CCBE1: variants seen among roughly 807,000 people sequenced by gnomAD.
The protein encoded by CCBE1 is collagen and calcium binding EGF domains 1, also known as collagen and calcium-binding EGF domain-containing protein 1.
A neutral mutation model predicts 50.0 loss-of-function variants in CCBE1; 37 were observed. The observed-to-expected ratio is 0.74, with a 90% CI of 0.57 to 0.97. CCBE1 has a LOEUF of 0.97. Among genes scored for constraint, CCBE1 ranks in the 50% least tolerant of loss-of-function variants. The pLI, the probability that CCBE1 is intolerant of heterozygous loss-of-function variation, is 0.00. For missense variants in CCBE1, 538 were observed against 523.8 expected (o/e 1.03, Z -0.26); for synonymous variants, 234 against 203.7 (o/e 1.15, Z -1.27).
intron 2 of CCBE1, among the ~76,000 whole-genome samples, chr18:59,631,821 A>G (rs2144627612): frequency 6.6e-6 from 1 of 152,328 alleles, no homozygotes; most frequent in South Asian, 2.1e-4. Context: ...CAAACTGACT[A>G]GAATTAGGAC....
chr18:59,517,028 C>A (rs902275908), intron 2 of CCBE1, among the ~76,000 whole-genome samples: 1 of 152,222 alleles, frequency 6.6e-6, no homozygotes, highest in African/African-American at 2.4e-5. Flanking sequence ...TTCTTCCTTG[C>A]AGTTTCCCTT....
intron 3 of CCBE1, among the ~76,000 whole-genome samples, chr18:59,474,885 T>C (rs643549): frequency 0.66 from 100,395 of 152,060 alleles, 33,508 homozygotes; most frequent in East Asian, 0.84. Flanking sequence ...TTCAACCTTT[T>C]GGATTGTGCT....
intron 2 of CCBE1, among the ~76,000 whole-genome samples, chr18:59,565,353 A>G (rs73961252): frequency 0.034 from 3,719 of 108,590 alleles, 165 homozygotes; most frequent in African/African-American, 0.17. Context: ...CTGGCCCTCA[A>G]TGAAGAGCAT....
At chr18:59,508,710 G>A (rs11152155) in intron 2 of CCBE1, among the ~76,000 whole-genome samples, 4,546 of 99,420 alleles carry the variant, frequency 0.046, 486 homozygotes, top group East Asian at 0.39. Context: ...ATAGAGTTAC[G>A]CTTTTTTTTT....
chr18:59,612,523 G>T (rs2053584354), intron 2 of CCBE1, among the ~76,000 whole-genome samples: 1 of 152,086 alleles, frequency 6.6e-6, no homozygotes, highest in Non-Finnish European at 1.5e-5. Flanking sequence ...AGAAAGTAGA[G>T]GTTTTCTGGG....
intron 2 of CCBE1, among the ~76,000 whole-genome samples, chr18:59,694,184 A>T (rs1368315303): frequency 1.3e-5 from 2 of 151,978 alleles, no homozygotes; most frequent in African/African-American, 4.8e-5. Flanking sequence ...AACTTTTTTA[A>T]AGTCATTTTT....
At chr18:59,657,677 G>A (rs1197744219) in intron 2 of CCBE1, among the ~76,000 whole-genome samples, 1 of 152,192 alleles carries the variant, frequency 6.6e-6, no homozygotes, top group Non-Finnish European at 1.5e-5. Flanking sequence ...GATCACCTGA[G>A]GCCAGGAGTT....
intron 2 of CCBE1, among the ~76,000 whole-genome samples, chr18:59,602,222 G>A (rs1319474869): frequency 2.6e-5 from 4 of 151,950 alleles, no homozygotes; most frequent in African/African-American, 9.7e-5. Context: ...TCCTTCTTTA[G>A]GGTGATACAA....
intron 2 of CCBE1, 79 bp downstream of exon 2, chr18:59,696,550 A>G (rs2054806059): frequency 1.2e-6 from 2 of 1,602,000 alleles, no homozygotes; most frequent in South Asian, 1.1e-5. Context: ...CGCGTCTCCA[A>G]ACCCCTCCTT....
chr18:59,634,538 A>G (rs566601661), intron 2 of CCBE1, among the ~76,000 whole-genome samples: 3 of 152,360 alleles, frequency 2.0e-5, no homozygotes, highest in South Asian at 4.1e-4. Context: ...TGGGTTCCCA[A>G]TAAAAAGTGA....
intron 2 of CCBE1, among the ~76,000 whole-genome samples, chr18:59,696,024 C>T (rs2054799191): frequency 6.6e-6 from 1 of 152,160 alleles, no homozygotes; most frequent in Non-Finnish European, 1.5e-5. Flanking sequence ...GATTCCCTAG[C>T]CCCATCCACG....
chr18:59,571,035 A>T (rs2052905864), intron 2 of CCBE1, among the ~76,000 whole-genome samples: 1 of 152,148 alleles, frequency 6.6e-6, no homozygotes, highest in African/African-American at 2.4e-5. Context: ...TTCAGCCAGA[A>T]ATTCACCCTC....
chr18:59,527,530 T>C (rs1914875709), intron 2 of CCBE1, among the ~76,000 whole-genome samples: 1 of 152,182 alleles, frequency 6.6e-6, no homozygotes, highest in Non-Finnish European at 1.5e-5. Flanking sequence ...TTTGATCCTG[T>C]CATGATGCTA....
In CCBE1 at chr18:59,651,988, T is replaced by A. The variant is rs553839275; in HGVS notation, c.212+44641A>T. On this transcript the variant is annotated intron_variant, in intron 2 of 10. Transcript: ENST00000439986. ...AATTTATTCCTTCTATCTTACTGTA[T>A]GTTTTTAATCTTTAACCCATTTCTT... Among the ~76,000 whole-genome samples, 5 of 152,362 alleles carry A rather than the reference T, an allele frequency of 3.3e-5. 1 individual carries two copies. The highest frequency in any genetic ancestry group is 1.2e-4 in the African/African-American group (5 of 41,586).
intron 2 of CCBE1, among the ~76,000 whole-genome samples, chr18:59,569,058 G>T (rs994018021): frequency 3.9e-5 from 6 of 152,118 alleles, no homozygotes; most frequent in African/African-American, 1.4e-4. Context: ...CTGCAGAGGG[G>T]TGCATCTCGG....
chr18:59,625,430 CAAAAAAA>C (rs750324482), intron 2 of CCBE1, among the ~76,000 whole-genome samples: 34 of 69,918 alleles, frequency 4.9e-4, no homozygotes, highest in East Asian at 1.6e-3. Context: ...GATTCTGTCT[CAAAAAAA>C]AAAAAAAAAA....
At chr18:59,481,682 G>GA (rs1912578310) in intron 2 of CCBE1, among the ~76,000 whole-genome samples, 1 of 152,126 alleles carries the variant, frequency 6.6e-6, no homozygotes, top group East Asian at 1.9e-4. Flanking sequence ...TGAGTGCTGA[G>GA]AAAACAAACT....
At chr18:59,636,866 A>T (rs2053923205) in intron 2 of CCBE1, among the ~76,000 whole-genome samples, 1 of 152,246 alleles carries the variant, frequency 6.6e-6, no homozygotes, top group African/African-American at 2.4e-5. Flanking sequence ...AGATATAATT[A>T]AAATACTGGA....
At chr18:59,582,670 C>A (rs577260826) in intron 2 of CCBE1, among the ~76,000 whole-genome samples, 6 of 152,272 alleles carry the variant, frequency 3.9e-5, no homozygotes, top group African/African-American at 1.2e-4. Flanking sequence ...GGCAGCCACC[C>A]CCCAGTCCAC....
Sources: allele counts gnomAD v4.1 joint callset (sites outside exome capture counted in the v4.1 genomes callset), GRCh38; gene constraint gnomAD v4.1.1; transcripts MANE v1.5; gene names NCBI Gene and HGNC (gene_info 2026-07-23, HGNC 2026-07-21).